Variants in MRPL39 observed in about 807,000 individuals in gnomAD.
MRPL39 encodes the protein large ribosomal subunit protein mL39.
A neutral mutation model predicts 44.5 loss-of-function variants in MRPL39; 35 were observed. The observed-to-expected ratio is 0.79, with a 90% CI of 0.60 to 1.04. The LOEUF (loss-of-function observed/expected upper bound fraction) is 1.04, where lower values mean the gene tolerates loss of function less well. MRPL39 is among the 50% of genes least tolerant of loss of function. The pLI, the probability that MRPL39 is intolerant of heterozygous loss-of-function variation, is 0.00. For synonymous variants in MRPL39, 139 were observed against 136.1 expected, an observed-to-expected ratio of 1.02 and a Z score of -0.15; for missense variants, 433 against 413.5, an observed-to-expected ratio of 1.05 and a Z score of -0.41.
At chr21:25,600,840 G>A (rs12627189) in intron 4 of MRPL39, among the ~76,000 whole-genome samples, 106,626 of 152,032 alleles carry the variant, frequency 0.7, 38,853 homozygotes, top group Non-Finnish European at 0.82. Flanking sequence ...GGGCACGGTG[G>A]CTCACGCCTG....
chr21:25,592,570 T>C (rs1045139831), intron 8 of MRPL39, among the ~76,000 whole-genome samples: 2 of 152,194 alleles, frequency 1.3e-5, no homozygotes, highest in Non-Finnish European at 2.9e-5. Context: ...CCCTCACCTA[T>C]GCTAACTTGA....
In MRPL39 at chr21:25,599,655, CAGATACAT is replaced by C. The variant is rs771678035; in HGVS notation, c.588+136_588+143del. 2.5e-3 allele frequency: 1,676 copies of C among 660,008 alleles called. 4 individuals are homozygous for C. The highest frequency in any genetic ancestry group is 3.6e-3 in the Non-Finnish European group (1,432 of 401,212). 40.9% of individuals were successfully genotyped at this position (660,008 alleles called of 1,614,324 possible). ...ATAGATAGATAGATAGACAGACAGACAGATACATAGATACATAGATAGATACATAGATT... is the reference window on the plus strand; with the variant it reads ...ATAGATAGATAGATAGACAGACAGACAGATACATAGATAGATACATAGATT... On this transcript the variant is annotated intron_variant, in intron 5 of 9. Transcript: ENST00000352957.
At chr21:25,600,937 C>T (rs2031503627) in intron 4 of MRPL39, among the ~76,000 whole-genome samples, 1 of 152,158 alleles carries the variant, frequency 6.6e-6, no homozygotes, top group African/African-American at 2.4e-5. Flanking sequence ...GAAACCCCGT[C>T]TCTACTAAAA....
intron 8 of MRPL39, among the ~76,000 whole-genome samples, chr21:25,590,266 T>TA (rs910552415): frequency 2.0e-5 from 3 of 151,916 alleles, no homozygotes; most frequent in Non-Finnish European, 4.4e-5. Context: ...AGGATTACCT[T>TA]AAACAACTAA....
intron 9 of MRPL39, 123 bp downstream of exon 9, chr21:25,588,712 T>G: frequency 2.3e-6 from 2 of 874,888 alleles, no homozygotes; most frequent in Non-Finnish European, 3.6e-6. Flanking sequence ...CTTTGACTAT[T>G]GAGACAACTT....
At chr21:25,592,015 C>T (rs759210258) in intron 8 of MRPL39, among the ~76,000 whole-genome samples, 58 of 152,200 alleles carry the variant, frequency 3.8e-4, no homozygotes, top group Non-Finnish European at 7.1e-4. Context: ...ACTCAATGTA[C>T]TCGGATGAAA....
chr21:25,592,055 G>A (rs1352635476), intron 8 of MRPL39, among the ~76,000 whole-genome samples: 1 of 152,164 alleles, frequency 6.6e-6, no homozygotes, highest in South Asian at 2.1e-4. Context: ...AGTGAAAAGT[G>A]CCAATCCCAA....
chr21:25,586,329 T>G (rs918472736), intron 9 of MRPL39, among the ~76,000 whole-genome samples: 13 of 152,146 alleles, frequency 8.5e-5, no homozygotes, highest in Admixed American at 3.9e-4. Context: ...TACCTGCATA[T>G]TCCATCAACA....
chr21:25,604,282 A>C (rs1218212279), intron 2 of MRPL39, among the ~76,000 whole-genome samples: 1 of 152,112 alleles, frequency 6.6e-6, no homozygotes, highest in Non-Finnish European at 1.5e-5. Flanking sequence ...TAAATAAAAT[A>C]ATACCCAATA....
intron 3 of MRPL39, among the ~76,000 whole-genome samples, 174 bp downstream of exon 3, chr21:25,603,622 T>C (rs1012907123): frequency 3.9e-5 from 6 of 152,196 alleles, no homozygotes; most frequent in Admixed American, 2.0e-4. Flanking sequence ...TGGATGCCAC[T>C]GATAAGTTCT....
At chr21:25,590,291 T>G (rs2031132147) in intron 8 of MRPL39, among the ~76,000 whole-genome samples, 1 of 151,900 alleles carries the variant, frequency 6.6e-6, no homozygotes, top group Non-Finnish European at 1.5e-5. Context: ...ACCAGGGGTA[T>G]CCAATCTTTT....
intron 7 of MRPL39, 107 bp from the exon 8 acceptor site, chr21:25,593,072 A>T: frequency 2.1e-6 from 2 of 966,706 alleles, no homozygotes. Flanking sequence ...CCTAATCAAG[A>T]ACATTATATA....
At chr21:25,587,786 G>A (rs770361277) in intron 9 of MRPL39, 3 of 1,610,244 alleles carry the variant, frequency 1.9e-6, no homozygotes, top group Admixed American at 1.7e-5. Flanking sequence ...ATGGGAAATG[G>A]AGTCTAGAAA....
At chr21:25,597,592 C>T (rs1459384531) in intron 5 of MRPL39, among the ~76,000 whole-genome samples, 178 bp from the exon 6 acceptor site, 1 of 152,138 alleles carries the variant, frequency 6.6e-6, no homozygotes, top group Non-Finnish European at 1.5e-5. Context: ...GGACCATAAA[C>T]TATAAAACTT....
chr21:25,590,439 T>C (rs1007361832), intron 8 of MRPL39, among the ~76,000 whole-genome samples: 1 of 152,042 alleles, frequency 6.6e-6, no homozygotes, highest in Non-Finnish European at 1.5e-5. Context: ...GTTTACAAAT[T>C]TGTGTCTCAT....
At chr21:25,596,723 T>G (rs1568863310) in intron 6 of MRPL39, among the ~76,000 whole-genome samples, 2 of 152,200 alleles carry the variant, frequency 1.3e-5, no homozygotes, top group African/African-American at 2.4e-5. Flanking sequence ...AGTTCTAATA[T>G]TGTATTAGAT....
chr21:25,595,172 G>C (rs2031318270), intron 6 of MRPL39, among the ~76,000 whole-genome samples: 2 of 152,174 alleles, frequency 1.3e-5, no homozygotes, highest in Admixed American at 6.5e-5. Context: ...GTGCACCACA[G>C]GTGTATGCAC....
upstream of MRPL39, among the ~76,000 whole-genome samples, chr21:25,607,801 C>T (rs898326165): frequency 4.6e-5 from 7 of 152,002 alleles, no homozygotes; most frequent in African/African-American, 7.3e-5. Flanking sequence ...CGCCTTCAGC[C>T]CTCCGCGGGT....
intron 5 of MRPL39, among the ~76,000 whole-genome samples, chr21:25,598,202 A>T (rs1250402052): frequency 6.6e-6 from 1 of 152,156 alleles, no homozygotes; most frequent in Non-Finnish European, 1.5e-5. Context: ...CTATTCCTTC[A>T]ATGTAACTCT....
Sources: gnomAD v4.1 joint callset for allele counts (sites outside exome capture counted in the v4.1 genomes callset) on GRCh38, gnomAD v4.1.1 for gene constraint, MANE v1.5 for transcripts, NCBI Gene and HGNC (gene_info 2026-07-23, HGNC 2026-07-21) for gene names.